Variants in CFAP299 observed in about 807,000 individuals in gnomAD.
The protein encoded by CFAP299 is cilia and flagella associated protein 299.
Under a neutral mutation model 27.0 loss-of-function variants are expected in CFAP299, and 21 were observed. The observed-to-expected ratio is 0.78, with a 90% CI of 0.55 to 1.12. The LOEUF is 1.12. Among genes scored for constraint, CFAP299 ranks in the 50% most tolerant of loss-of-function variants. The pLI, the probability that CFAP299 is intolerant of heterozygous loss-of-function variation, is 0.00. For synonymous variants in CFAP299, 104 were observed against 98.1 expected (o/e 1.06, Z -0.36); for missense variants, 310 against 276.6 (o/e 1.12, Z -0.86).
At chr4:80,681,912 G>C (rs551943307) in intron 3 of CFAP299, among the ~76,000 whole-genome samples, 76 of 152,250 alleles carry the variant, frequency 5.0e-4, no homozygotes, top group African/African-American at 1.8e-3. Flanking sequence ...CTAGAGCACT[G>C]TAACCCACCA....
chr4:80,628,891 A>G (rs1739057857), intron 3 of CFAP299, among the ~76,000 whole-genome samples: 1 of 152,216 alleles, frequency 6.6e-6, no homozygotes, highest in Admixed American at 6.6e-5. Flanking sequence ...TGATGCAGCC[A>G]TTATGGAAAA....
At chr4:80,393,792 A>G (rs1725625461) in intron 2 of CFAP299, among the ~76,000 whole-genome samples, 1 of 152,140 alleles carries the variant, frequency 6.6e-6, no homozygotes, top group Non-Finnish European at 1.5e-5. Context: ...TAAGTAATGC[A>G]TGACTGTACC....
chr4:80,690,833 T>C (rs1169089770), intron 3 of CFAP299, among the ~76,000 whole-genome samples: 1 of 150,572 alleles, frequency 6.6e-6, no homozygotes, highest in East Asian at 2.0e-4. Flanking sequence ...AAGAATCAAA[T>C]AGACGCAATA....
chr4:80,632,178 G>A (rs1739245236), intron 3 of CFAP299, among the ~76,000 whole-genome samples: 1 of 151,782 alleles, frequency 6.6e-6, no homozygotes, highest in Non-Finnish European at 1.5e-5. Flanking sequence ...AAATGGATTA[G>A]GGCAACATTT....
At chr4:80,345,371 C>G (rs1217521945) in intron 1 of CFAP299, among the ~76,000 whole-genome samples, 2 of 151,834 alleles carry the variant, frequency 1.3e-5, no homozygotes, top group African/African-American at 4.8e-5. Flanking sequence ...GTGTGCTGCA[C>G]CCATTAACTA....
chr4:80,594,221 A>C (rs1225501088), intron 3 of CFAP299, among the ~76,000 whole-genome samples: 1 of 152,214 alleles, frequency 6.6e-6, no homozygotes, highest in Non-Finnish European at 1.5e-5. Flanking sequence ...GGAAACTCAC[A>C]ACCATGACAG....
chr4:80,667,713 A>G (rs1021879541), intron 3 of CFAP299, among the ~76,000 whole-genome samples: 7 of 151,804 alleles, frequency 4.6e-5, no homozygotes, highest in African/African-American at 1.7e-4. Flanking sequence ...TTCTTTATCC[A>G]CTCATTCATT....
chr4:80,923,080 A>G lies in CFAP299; in HGVS notation c.477-21730A>G, dbSNP rs146658413. Among the ~76,000 whole-genome samples, 8 of 152,152 alleles carry G rather than the reference A, an allele frequency of 5.3e-5. No homozygotes were observed. In the East Asian group the frequency reaches 1.5e-3, roughly 29 times the overall value. On this transcript the variant is annotated intron_variant, in intron 4 of 5. Transcript: ENST00000358105. ...AGAACTGTAAAATGTTTACATTTAG[A>G]TAATCTGCTCCAAGGGGGAACATTT... is the stretch of plus-strand genomic sequence containing the variant.
Position 80,468,621 on chromosome 4 carries a change from AG to A in CFAP299, c.242+105738del, listed in dbSNP as rs1729829085. ...AGGCTGAGGTGGGTGGATCACTTGA[AG>A]TCAGGAGTTCAAGACCAGCCTGGCC... On this transcript the variant is annotated intron_variant, in intron 2 of 5. Coordinates refer to ENST00000358105, the MANE Select transcript of CFAP299 (RefSeq NM_152770.3). 2.6e-5 allele frequency among the ~76,000 whole-genome samples: 4 copies of A among 151,880 alleles called. No homozygotes were observed. The South Asian group carries it at 8.3e-4, about 32-fold the overall frequency.
At chr4:80,517,771 GA>G (rs1398488638) in intron 2 of CFAP299, among the ~76,000 whole-genome samples, 1 of 152,142 alleles carries the variant, frequency 6.6e-6, no homozygotes, top group African/African-American at 2.4e-5. Flanking sequence ...CCAAGGTATA[GA>G]AGGCAAGCAT....
chr4:80,920,888 C>A (rs1736008820), intron 4 of CFAP299, among the ~76,000 whole-genome samples: 1 of 152,104 alleles, frequency 6.6e-6, no homozygotes, highest in Admixed American at 6.6e-5. Flanking sequence ...ACTAAAAATA[C>A]TATTCTCTTA....
intron 3 of CFAP299, among the ~76,000 whole-genome samples, chr4:80,800,021 A>G (rs1170358548): frequency 3.3e-5 from 2 of 61,442 alleles, no homozygotes; most frequent in East Asian, 1.1e-3. Context: ...AGTAATATAT[A>G]TTATATATAA....
intron 4 of CFAP299, among the ~76,000 whole-genome samples, chr4:80,943,812 T>C (rs1737322542): frequency 6.6e-6 from 1 of 152,154 alleles, no homozygotes; most frequent in African/African-American, 2.4e-5. Flanking sequence ...CTCACGCCTG[T>C]AATCCCAACA....
intron 2 of CFAP299, among the ~76,000 whole-genome samples, chr4:80,572,225 A>G (rs772032017): frequency 6.6e-6 from 1 of 152,028 alleles, no homozygotes; most frequent in Non-Finnish European, 1.5e-5. Flanking sequence ...ACGATAAAGT[A>G]CTGTTGACTG....
chr4:80,537,755 G>A (rs1404714669), intron 2 of CFAP299, among the ~76,000 whole-genome samples: 1 of 151,898 alleles, frequency 6.6e-6, no homozygotes, highest in Non-Finnish European at 1.5e-5. Context: ...GAGATCCATT[G>A]TATAGCATGG....
chr4:80,809,223 G>A (rs1002903335), intron 3 of CFAP299, among the ~76,000 whole-genome samples: 1 of 152,120 alleles, frequency 6.6e-6, no homozygotes, highest in African/African-American at 2.4e-5. Flanking sequence ...ACTTTACATG[G>A]AGACATCTGC....
intron 3 of CFAP299, among the ~76,000 whole-genome samples, chr4:80,659,414 A>G (rs1175400836): frequency 6.6e-6 from 1 of 152,060 alleles, no homozygotes; most frequent in Non-Finnish European, 1.5e-5. Context: ...GGATTAATCA[A>G]TATCCAAAAA....
At chr4:80,547,179 C>A (rs1734276818) in intron 2 of CFAP299, among the ~76,000 whole-genome samples, 1 of 152,058 alleles carries the variant, frequency 6.6e-6, no homozygotes, top group Non-Finnish European at 1.5e-5. Flanking sequence ...TAAAAACAGA[C>A]ACACAGACCA....
chr4:80,893,221 G>T (rs1364691019), intron 4 of CFAP299, among the ~76,000 whole-genome samples: 1 of 151,208 alleles, frequency 6.6e-6, no homozygotes, highest in East Asian at 2.0e-4. Context: ...AAACATTGAT[G>T]AAAGAAATTG....
Sources: gnomAD v4.1 joint callset for allele counts (sites outside exome capture counted in the v4.1 genomes callset) on GRCh38, gnomAD v4.1.1 for gene constraint, MANE v1.5 for transcripts, NCBI Gene and HGNC (gene_info 2026-07-23, HGNC 2026-07-21) for gene names.